SELENOF: variants seen among roughly 807,000 people sequenced by gnomAD.
SELENOF encodes the protein selenoprotein F, also known as 15 kDa selenoprotein.
SELENOF carries 16 observed loss-of-function variants against 20.5 expected under a neutral mutation model. That is an observed-to-expected ratio of 0.78 (90% CI 0.53 to 1.19). The LOEUF is 1.19. Among genes scored for constraint, SELENOF ranks in the 50% most tolerant of loss-of-function variants. The pLI, the probability that SELENOF is intolerant of heterozygous loss-of-function variation, is 0.00. For synonymous variants in SELENOF, 78 were observed against 74.5 expected, an observed-to-expected ratio of 1.05 and a Z score of -0.24; for missense variants, 215 against 194.2, an observed-to-expected ratio of 1.11 and a Z score of -0.64.
Position 86,879,050 on chromosome 1 carries a change from C to T in SELENOF, c.316+1612G>A, listed in dbSNP as rs145079385. Among the ~76,000 whole-genome samples, 103 of 152,016 alleles carry T rather than the reference C, an allele frequency of 6.8e-4. 1 individual carries two copies. Among genetic ancestry groups the T allele is most frequent in the African/African-American group, 2.3e-3 (95 of 41,482 alleles). On this transcript the variant is annotated intron_variant, in intron 3 of 4. Transcript: ENST00000331835. ...TAATTTACATAAGAAATATATATTA[C>T]GGTAGATAATAAAATCTGATATCAT... is the stretch of plus-strand genomic sequence containing the variant.
At chr1:86,868,231 T>C in intron 3 of SELENOF, 129 bp from the exon 4 acceptor site, 1 of 425,152 alleles carries the variant, frequency 2.4e-6, no homozygotes, top group Non-Finnish European at 4.1e-6. Flanking sequence ...TAAGAAAATT[T>C]AAACATCTGT....
At chr1:86,900,047 G>A (rs1429510270) in intron 2 of SELENOF, among the ~76,000 whole-genome samples, 2 of 150,206 alleles carry the variant, frequency 1.3e-5, no homozygotes, top group African/African-American at 4.9e-5. Context: ...GGGAAGAGGC[G>A]CTCCTCACTT....
In SELENOF at chr1:86,863,505, T is replaced by A; in HGVS notation, c.467A>T (p.Glu156Val). 6.2e-7 allele frequency: 1 copy of A among 1,611,950 alleles called. No individual in the cohort carries two copies. Among genetic ancestry groups the A allele is most frequent in the African/African-American group, 1.3e-5 (1 of 74,918 alleles). ...GCGTTCCAACTTTTCACTCAGGAATTCTTCTACACTGTCTGTGTTCCATTT... is the reference window on the plus strand; with the variant it reads ...GCGTTCCAACTTTTCACTCAGGAATACTTCTACACTGTCTGTGTTCCATTT... Reference protein sequence around the residue: ...ILKWNTDSVEEFLSEKLERI With the variant: ...ILKWNTDSVEVFLSEKLERI Residue 156 changes from glutamate to valine, a missense_variant, in exon 5 of 5, where the codon GAA (glutamate) becomes GTA (valine). Glu to Val is a moderately radical substitution (Grantham distance 121). Coordinates refer to ENST00000331835, the MANE Select transcript of SELENOF (RefSeq NM_004261.5).
At chr1:86,883,052 G>A (rs1217851997) in intron 2 of SELENOF, among the ~76,000 whole-genome samples, 5 of 151,486 alleles carry the variant, frequency 3.3e-5, no homozygotes, top group African/African-American at 9.7e-5. Context: ...TTTGAACCCA[G>A]GAAGCAGAGG....
At chr1:86,894,453 T>C (rs1659469504) in intron 2 of SELENOF, among the ~76,000 whole-genome samples, 1 of 152,162 alleles carries the variant, frequency 6.6e-6, no homozygotes, top group South Asian at 2.1e-4. Context: ...ATCTGAATAG[T>C]AAAAACCAAT....
At chr1:86,871,866 T>C (rs1339010217) in intron 3 of SELENOF, among the ~76,000 whole-genome samples, 1 of 152,224 alleles carries the variant, frequency 6.6e-6, no homozygotes, top group African/African-American at 2.4e-5. Context: ...ATGTGCTCTA[T>C]AGCTGCATGA....
rs1658485382 is a variant in SELENOF, at chr1:86,862,674, T to C, written c.*800A>G. The C allele has an allele frequency of 6.6e-6, 1 of 152,200 alleles. No individual in the cohort carries two copies. The highest frequency in any genetic ancestry group is 2.4e-5 in the African/African-American group (1 of 41,452). 9.4% of individuals were successfully genotyped at this position (152,200 alleles called of 1,614,324 possible). On this transcript the variant is annotated 3_prime_UTR_variant, in exon 5 of 5. Coordinates refer to ENST00000331835, the MANE Select transcript of SELENOF (RefSeq NM_004261.5). The stretch of plus-strand genomic sequence containing the variant: ...CATGAAAAAAATGCATTGAAAAACA[T>C]CATTTTTAAACATGAAAGAACAAAC...
At chr1:86,872,471 C>T (rs1454713670) in intron 3 of SELENOF, among the ~76,000 whole-genome samples, 1 of 151,984 alleles carries the variant, frequency 6.6e-6, no homozygotes, top group South Asian at 2.1e-4. Flanking sequence ...CGGGTTCAGG[C>T]GATTCTCCTG....
intron 1 of SELENOF, among the ~76,000 whole-genome samples, chr1:86,906,230 A>C (rs547226332): frequency 6.6e-6 from 1 of 152,364 alleles, no homozygotes; most frequent in African/African-American, 2.4e-5. Flanking sequence ...ACTATAAGAC[A>C]CTTGCTACCA....
At chr1:86,889,257 T>C (rs1448735231) in intron 2 of SELENOF, among the ~76,000 whole-genome samples, 1 of 152,152 alleles carries the variant, frequency 6.6e-6, no homozygotes, top group Non-Finnish European at 1.5e-5. Flanking sequence ...AATTAAAACT[T>C]TTTTGAAGAA....
chr1:86,866,310 A>G (rs1658594674), intron 4 of SELENOF, among the ~76,000 whole-genome samples: 1 of 150,664 alleles, frequency 6.6e-6, no homozygotes, highest in South Asian at 2.1e-4. Flanking sequence ...ATCCTGTCAC[A>G]CAATACAACA....
intron 2 of SELENOF, among the ~76,000 whole-genome samples, chr1:86,882,997 G>A (rs1659115470): frequency 6.6e-6 from 1 of 151,948 alleles, no homozygotes; most frequent in South Asian, 2.1e-4. Flanking sequence ...TGTGGTGGCA[G>A]GCGCCTTAAT....
At chr1:86,912,257 G>C (rs574809713) in intron 1 of SELENOF, among the ~76,000 whole-genome samples, 18 of 152,322 alleles carry the variant, frequency 1.2e-4, no homozygotes, top group African/African-American at 4.1e-4. Context: ...ATTAAAATCA[G>C]TAAGTTTCAG....
At chr1:86,903,222 C>T (rs1659746242) in intron 2 of SELENOF, 59 bp downstream of exon 2, 1 of 1,458,002 alleles carries the variant, frequency 6.9e-7, no homozygotes, top group South Asian at 1.3e-5. Flanking sequence ...AAGCAACTTA[C>T]ATTTTTACCT....
At chr1:86,893,500 C>A (rs1184332163) in intron 2 of SELENOF, among the ~76,000 whole-genome samples, 5 of 151,156 alleles carry the variant, frequency 3.3e-5, no homozygotes, top group Admixed American at 3.3e-4. Context: ...CACCGGTAGT[C>A]CCAGCTACTC....
chr1:86,910,187 G>A (rs1441651597), intron 1 of SELENOF, among the ~76,000 whole-genome samples: 3 of 152,154 alleles, frequency 2.0e-5, no homozygotes, highest in Middle Eastern at 3.2e-3. Context: ...AATACATTTC[G>A]TTAAAGTAGT....
At chr1:86,889,123 A>G (rs1205056287) in intron 2 of SELENOF, among the ~76,000 whole-genome samples, 1 of 152,166 alleles carries the variant, frequency 6.6e-6, no homozygotes, top group South Asian at 2.1e-4. Context: ...ATTTAAGAGC[A>G]GCAATATAAA....
At chr1:86,877,972 C>T (rs1658968073) in intron 3 of SELENOF, among the ~76,000 whole-genome samples, 1 of 152,012 alleles carries the variant, frequency 6.6e-6, no homozygotes, top group South Asian at 2.1e-4. Context: ...GAGAGACAGC[C>T]ACATTCTTAA....
chr1:86,889,088 T>C (rs1395687399), intron 2 of SELENOF, among the ~76,000 whole-genome samples: 1 of 151,868 alleles, frequency 6.6e-6, no homozygotes, highest in African/African-American at 2.4e-5. Context: ...GCTATAATAA[T>C]CCAAGAGTTT....
Sources: gnomAD v4.1 joint callset for allele counts (sites outside exome capture counted in the v4.1 genomes callset) on GRCh38, gnomAD v4.1.1 for gene constraint, MANE v1.5 for transcripts, NCBI Gene and HGNC (gene_info 2026-07-23, HGNC 2026-07-21) for gene names.